MACROH2A1: variants seen among roughly 807,000 people sequenced by gnomAD.
The protein encoded by MACROH2A1 is macroH2A.1 histone.
A neutral mutation model predicts 31.6 loss-of-function variants in MACROH2A1; 2 were observed. That is an observed-to-expected ratio of 0.06 (90% CI 0.03 to 0.20). The LOEUF is 0.20. MACROH2A1 is among the 10% of genes least tolerant of loss of function. The pLI, the probability that MACROH2A1 is intolerant of heterozygous loss-of-function variation, is 1.00. For synonymous variants in MACROH2A1, 169 were observed against 189.6 expected, an observed-to-expected ratio of 0.89 and a Z score of 0.89; for missense variants, 230 against 474.0, an observed-to-expected ratio of 0.49 and a Z score of 4.78.
chr5:135,393,590 C>T (rs1767552365), intron 1 of MACROH2A1, among the ~76,000 whole-genome samples: 1 of 152,240 alleles, frequency 6.6e-6, no homozygotes, highest in South Asian at 2.1e-4. Flanking sequence ...AAGCTGGTCA[C>T]AGGAGAACAG....
chr5:135,367,498 A>G (rs1763655971), intron 4 of MACROH2A1, among the ~76,000 whole-genome samples: 2 of 152,362 alleles, frequency 1.3e-5, no homozygotes, highest in South Asian at 4.1e-4. Flanking sequence ...CTTCAAGTCC[A>G]AAAAGTAAGA....
rs1222220567 is a variant in MACROH2A1 at position 135,398,885 on chromosome 5, G to T, written c.-34+177C>A. On this transcript the variant is annotated intron_variant, in intron 1 of 8. Transcript: ENST00000511689. This position sits in a 1 kb window ranked among gnomAD's most constrained non-coding sequence, Gnocchi z 4.6. ...AGGGAATCCCGCGCGGCCCGACAAG[G>T]CCTGGGAGGACGTAGTGCACGCGCG... Among the ~76,000 whole-genome samples the T allele has an allele frequency of 6.7e-6, 1 of 148,716 alleles. No individual in the cohort carries two copies. Among genetic ancestry groups the T allele is most frequent in the Non-Finnish European group, 1.5e-5 (1 of 67,104 alleles).
At chr5:135,341,577 T>G (rs1404408513) in intron 8 of MACROH2A1, among the ~76,000 whole-genome samples, 1 of 152,192 alleles carries the variant, frequency 6.6e-6, no homozygotes, top group Non-Finnish European at 1.5e-5. Context: ...TGGGGAACGG[T>G]GGCAGTGCCC....
At chr5:135,392,080 G>A (rs550189963) in intron 1 of MACROH2A1, among the ~76,000 whole-genome samples, 3 of 152,226 alleles carry the variant, frequency 2.0e-5, no homozygotes, top group African/African-American at 7.2e-5. Context: ...CTCTGAACAC[G>A]CAGTTCTCCT....
At chr5:135,363,306 C>T (rs1265994389) in intron 4 of MACROH2A1, among the ~76,000 whole-genome samples, 1 of 152,204 alleles carries the variant, frequency 6.6e-6, no homozygotes, top group Non-Finnish European at 1.5e-5. Flanking sequence ...ACTGCCTGGT[C>T]CTATATAGCC....
chr5:135,356,649 T>G (rs1182269265), intron 5 of MACROH2A1: 2 of 152,166 alleles, frequency 1.3e-5, no homozygotes, highest in Non-Finnish European at 2.9e-5. Context: ...AGCCAAGCTG[T>G]CCTCGCCTGG....
intron 1 of MACROH2A1, among the ~76,000 whole-genome samples, chr5:135,391,541 A>G (rs1328501381): frequency 6.6e-6 from 1 of 152,208 alleles, no homozygotes; most frequent in Admixed American, 6.5e-5. Flanking sequence ...CTGAGTCTTT[A>G]CATCAACATG....
chr5:135,373,391 C>A (rs778958428), intron 2 of MACROH2A1, among the ~76,000 whole-genome samples: 1 of 152,146 alleles, frequency 6.6e-6, no homozygotes, highest in African/African-American at 2.4e-5. Flanking sequence ...GTAAGCACAT[C>A]GGGTTGAGAA....
chr5:135,389,179 C>T (rs1047557083), intron 1 of MACROH2A1, 53 bp from the exon 2 acceptor site: 61 of 1,391,694 alleles, frequency 4.4e-5, no homozygotes, highest in Non-Finnish European at 5.4e-5. Context: ...GCACATGTCC[C>T]CTTTCCAGGT....
At chr5:135,352,313 G>A (rs1001809166) in intron 6 of MACROH2A1, among the ~76,000 whole-genome samples, 3 of 152,242 alleles carry the variant, frequency 2.0e-5, no homozygotes, top group African/African-American at 7.2e-5. Context: ...TGAACCATCT[G>A]CCATCTTGAA....
intron 7 of MACROH2A1, chr5:135,344,856 T>C (rs929917537): frequency 6.6e-6 from 1 of 152,252 alleles, no homozygotes. Flanking sequence ...CCAGCAGAGT[T>C]TGGTACATGG....
chr5:135,343,470 C>T (rs760865920), intron 7 of MACROH2A1, 36 bp from the exon 8 acceptor site: 1 of 1,609,068 alleles, frequency 6.2e-7, no homozygotes, highest in South Asian at 1.1e-5. Flanking sequence ...ACAGTGAGCT[C>T]TGGTTCACTG....
At chr5:135,389,412 T>G in intron 1 of MACROH2A1, 1 of 221,840 alleles carries the variant, frequency 4.5e-6, no homozygotes, top group Non-Finnish European at 8.8e-6. Context: ...CCACATTCTA[T>G]ACACTTGTTT....
chr5:135,387,625 A>G (rs1766597669), intron 2 of MACROH2A1, among the ~76,000 whole-genome samples: 1 of 152,212 alleles, frequency 6.6e-6, no homozygotes, highest in African/African-American at 2.4e-5. Context: ...GCATTACGAC[A>G]GGACAGCAGG....
chr5:135,380,959 T>C (rs983668848), intron 2 of MACROH2A1, among the ~76,000 whole-genome samples: 9 of 152,286 alleles, frequency 5.9e-5, no homozygotes, highest in Non-Finnish European at 1.3e-4. Context: ...TATTACTTAT[T>C]AGAGAAAAGA....
At position 135,372,571 on chromosome 5, in the gene MACROH2A1, G is replaced by A. The variant is rs1318228635; in HGVS notation, c.173-2429C>T. 2.0e-5 allele frequency among the ~76,000 whole-genome samples: 3 copies of A among 152,246 alleles called. No individual in the cohort carries two copies. In the East Asian group the frequency reaches 5.8e-4, roughly 29 times the overall value. ...AAAAAGGTGCCTGTGATGCCTATGTGACCTTGGGCCCTGGGTACTGTGAAT... is the reference window on the plus strand; with the variant it reads ...AAAAAGGTGCCTGTGATGCCTATGTAACCTTGGGCCCTGGGTACTGTGAAT... On this transcript the variant is annotated intron_variant, in intron 2 of 8. Coordinates refer to ENST00000511689, the MANE Select transcript of MACROH2A1 (RefSeq NM_138610.3).
chr5:135,344,296 A>G (rs1290855886), intron 7 of MACROH2A1: 3 of 152,232 alleles, frequency 2.0e-5, no homozygotes, highest in Admixed American at 6.5e-5. Flanking sequence ...CTTCTATACA[A>G]GAGCACACCA....
At chr5:135,350,774 C>T in intron 6 of MACROH2A1, 1 of 1,128,956 alleles carries the variant, frequency 8.9e-7, no homozygotes, top group Non-Finnish European at 1.3e-6. Context: ...TCTGCAGCGG[C>T]CGACTGACCA....
chr5:135,377,559 G>A (rs1466022160), intron 2 of MACROH2A1, among the ~76,000 whole-genome samples: 1 of 152,198 alleles, frequency 6.6e-6, no homozygotes, highest in Admixed American at 6.5e-5. Flanking sequence ...TGTTGGGGGA[G>A]GAGGCGACGT....
Sources: allele counts gnomAD v4.1 joint callset (sites outside exome capture counted in the v4.1 genomes callset), GRCh38; gene constraint gnomAD v4.1.1; non-coding constraint Gnocchi (gnomAD v3.1); transcripts MANE v1.5; gene names NCBI Gene and HGNC (gene_info 2026-07-23, HGNC 2026-07-21).